SEMA3A: variants seen among roughly 807,000 people sequenced by gnomAD.
The protein encoded by SEMA3A is semaphorin-3A.
SEMA3A carries 29 observed loss-of-function variants against 97.9 expected under a neutral mutation model. The ratio of observed to expected loss-of-function variants is 0.30; its 90% CI spans 0.22 to 0.40. SEMA3A has a LOEUF of 0.40. Ranked by LOEUF, SEMA3A falls within the 10% of genes least tolerant of loss-of-function variation. The probability of loss-of-function intolerance (pLI) is 1.00; values close to 1 mark genes in which losing one functional copy is unlikely to be tolerated. For synonymous variants in SEMA3A, 321 were observed against 323.7 expected, an observed-to-expected ratio of 0.99 and a Z score of 0.09; for missense variants, 763 against 951.3, an observed-to-expected ratio of 0.80 and a Z score of 2.60.
At chr7:84,365,721 T>G (rs1439750631) in intron 2 of SEMA3A, among the ~76,000 whole-genome samples, 3 of 151,390 alleles carry the variant, frequency 2.0e-5, no homozygotes, top group Non-Finnish European at 4.4e-5. Flanking sequence ...AAAATCACTC[T>G]GATGTTAGTC....
chr7:84,052,964 T>A (rs923139976), intron 5 of SEMA3A, among the ~76,000 whole-genome samples: 42 of 151,500 alleles, frequency 2.8e-4, no homozygotes, highest in African/African-American at 1.0e-3. Flanking sequence ...CTTCATTTCG[T>A]TATGTACCCA....
chr7:84,310,680 T>C (rs1562897184), intron 2 of SEMA3A, among the ~76,000 whole-genome samples: 2 of 152,252 alleles, frequency 1.3e-5, no homozygotes, highest in East Asian at 3.9e-4. Flanking sequence ...TCTGCTGTAA[T>C]TGTTTTCATT....
At chr7:84,389,490 C>T (rs1039410524) in intron 1 of SEMA3A, among the ~76,000 whole-genome samples, 4 of 151,960 alleles carry the variant, frequency 2.6e-5, no homozygotes, top group Non-Finnish European at 2.9e-5. Flanking sequence ...CAACAGTATA[C>T]ACCTGGTTTC....
chr7:84,059,102 T>C (rs1793112981), intron 5 of SEMA3A, among the ~76,000 whole-genome samples: 1 of 152,178 alleles, frequency 6.6e-6, no homozygotes, highest in African/African-American at 2.4e-5. Context: ...AGCTGTAAGT[T>C]CATACAAAAT....
chr7:84,043,933 T>C (rs1400263740), intron 6 of SEMA3A, among the ~76,000 whole-genome samples: 4 of 152,066 alleles, frequency 2.6e-5, no homozygotes, highest in Admixed American at 2.0e-4. Flanking sequence ...GTGTGCAGCA[T>C]AAAAGCAGCT....
At chr7:84,154,689 A>G (rs1167902082) in intron 1 of SEMA3A, among the ~76,000 whole-genome samples, 27 of 120,740 alleles carry the variant, frequency 2.2e-4, no homozygotes, top group Admixed American at 2.0e-3. Flanking sequence ...GAAAAAAAAA[A>G]ACAAAAAAAA....
At chr7:84,127,649 T>C (rs1221763466) in intron 3 of SEMA3A, among the ~76,000 whole-genome samples, 1 of 152,202 alleles carries the variant, frequency 6.6e-6, no homozygotes, top group Non-Finnish European at 1.5e-5. Context: ...ACCTGTGCTT[T>C]GTGATCCTTT....
At chr7:84,023,008 C>A (rs1791385432) in intron 6 of SEMA3A, among the ~76,000 whole-genome samples, 1 of 152,160 alleles carries the variant, frequency 6.6e-6, no homozygotes, top group Non-Finnish European at 1.5e-5. Context: ...CCCTTTATAC[C>A]TTTACCACCC....
intron 1 of SEMA3A, among the ~76,000 whole-genome samples, chr7:84,473,058 A>G (rs963087905): frequency 1.3e-5 from 2 of 151,984 alleles, no homozygotes; most frequent in Non-Finnish European, 2.9e-5. Flanking sequence ...AAGAAACTCT[A>G]TAATTTACTT....
rs552101327 is a variant in SEMA3A at position 84,155,257 on chromosome 7, A to C, written c.113-20306T>G. ...ATTGAATCAGCATATCCAGGACCAC[A>C]TAAAATAGTGTCTCTTTTAATTAGG... is the stretch of plus-strand genomic sequence containing the variant. On this transcript the variant is annotated intron_variant, in intron 1 of 16. Coordinates refer to ENST00000265362, the MANE Select transcript of SEMA3A (RefSeq NM_006080.3). Among the ~76,000 whole-genome samples the C allele has an allele frequency of 8.5e-5, 13 of 152,256 alleles. No homozygotes were observed. In the East Asian group the frequency reaches 2.5e-3, roughly 29 times the overall value.
chr7:84,007,395 C>T lies in SEMA3A; in HGVS notation c.1098G>A (p.Trp366Ter). The T allele has an allele frequency of 1.2e-6, 2 of 1,609,818 alleles. No individual in the cohort carries two copies. The highest frequency in any genetic ancestry group is 1.7e-6 in the Non-Finnish European group (2 of 1,177,982). Reference protein sequence around the residue: ...YAHRDGPNYQWVPYQGRVPYP... With the variant: ...YAHRDGPNYQ The stretch of plus-strand genomic sequence containing the variant: ...AGGGGACTCTTCCTTGATAAGGCAC[C>T]CATTGATAGTTGGGTCCATCCCTGT... Residue 366 changes from tryptophan to a stop codon, truncating the protein, a stop_gained, in exon 10 of 17, where the codon TGG (tryptophan) becomes TGA (stop). Transcript: ENST00000265362. LOFTEE classifies it high-confidence loss of function.
At chr7:83,976,512 C>T (rs966223260) in intron 15 of SEMA3A, among the ~76,000 whole-genome samples, 15 of 152,038 alleles carry the variant, frequency 9.9e-5, no homozygotes, top group African/African-American at 3.1e-4. Flanking sequence ...TACAATTTTA[C>T]TGCATTTTAA....
chr7:84,277,608 C>T (rs1464232295), intron 3 of SEMA3A, among the ~76,000 whole-genome samples: 4 of 152,064 alleles, frequency 2.6e-5, no homozygotes. Context: ...AAAGAAATAC[C>T]TGAGACAGGG....
intron 1 of SEMA3A, among the ~76,000 whole-genome samples, chr7:84,438,438 T>C (rs1805189650): frequency 6.6e-6 from 1 of 152,092 alleles, no homozygotes; most frequent in Non-Finnish European, 1.5e-5. Flanking sequence ...AATACAATAA[T>C]TATAGTATGT....
intron 1 of SEMA3A, among the ~76,000 whole-genome samples, chr7:84,415,188 A>T (rs1489464900): frequency 2.0e-5 from 3 of 152,126 alleles, no homozygotes; most frequent in Admixed American, 6.5e-5. Context: ...GCATCTGTAT[A>T]AACAGAAATC....
chr7:84,280,227 T>C (rs1171334798), intron 3 of SEMA3A, among the ~76,000 whole-genome samples: 1 of 152,112 alleles, frequency 6.6e-6, no homozygotes, highest in African/African-American at 2.4e-5. Context: ...ATTTCAGTCA[T>C]AGTTCGGCCT....
chr7:84,026,995 A>G (rs1791571366), intron 6 of SEMA3A, among the ~76,000 whole-genome samples: 2 of 152,054 alleles, frequency 1.3e-5, no homozygotes, highest in Admixed American at 1.3e-4. Context: ...CCCAAACCTA[A>G]AATAAAAGTT....
chr7:84,017,820 C>T (rs1353278539), intron 6 of SEMA3A, among the ~76,000 whole-genome samples: 5 of 152,034 alleles, frequency 3.3e-5, no homozygotes, highest in Admixed American at 6.5e-5. Context: ...TTATTCAATC[C>T]GAACCTTCAA....
intron 1 of SEMA3A, among the ~76,000 whole-genome samples, chr7:84,189,588 T>G (rs1797979953): frequency 6.6e-6 from 1 of 151,714 alleles, no homozygotes; most frequent in Non-Finnish European, 1.5e-5. Flanking sequence ...AACTTAAAAT[T>G]CATGATAACT....
Sources: allele counts gnomAD v4.1 joint callset (sites outside exome capture counted in the v4.1 genomes callset), GRCh38; gene constraint gnomAD v4.1.1; transcripts MANE v1.5; gene names NCBI Gene and HGNC (gene_info 2026-07-23, HGNC 2026-07-21).